ZNF684: variants seen among roughly 807,000 people sequenced by gnomAD.
ZNF684 encodes the protein zinc finger protein 684, also known as hypothetical protein MGC27466.
In ZNF684, 13 loss-of-function variants were observed where a neutral mutation model predicts 12.8. The observed-to-expected ratio is 1.02, with a 90% CI of 0.66 to 1.62. The LOEUF (loss-of-function observed/expected upper bound fraction) is 1.62. Among genes scored for constraint, ZNF684 ranks in the 40% most tolerant of loss-of-function variants. The pLI, the probability that ZNF684 is intolerant of heterozygous loss-of-function variation, is 0.00. For missense variants in ZNF684, 384 were observed against 446.9 expected, an observed-to-expected ratio of 0.86 and a Z score of 1.27; for synonymous variants, 118 against 151.8, an observed-to-expected ratio of 0.78 and a Z score of 1.64.
intron 2 of ZNF684, among the ~76,000 whole-genome samples, chr1:40,537,960 A>G (rs1248596040): frequency 6.6e-6 from 1 of 152,182 alleles, no homozygotes; most frequent in Non-Finnish European, 1.5e-5. Flanking sequence ...ATACAAATGG[A>G]ACCATGAAAT....
Position 40,547,286 on chromosome 1 carries a change from T to A in ZNF684, c.963T>A (p.His321Gln). 6.2e-7 allele frequency: 1 copy of A among 1,614,184 alleles called. No homozygotes were observed. The highest frequency in any genetic ancestry group is 1.3e-5 in the African/African-American group (1 of 75,062). ...TSVLVTHQRI[H>Q]TGEKPYSCIE... ...TGCTTGTTACACACCAAAGAATTCA[T>A]ACAGGAGAGAAACCTTACAGTTGTA... The change falls in exon 5 of 5, where the codon CAT becomes CAA. Residue 321 changes from histidine to glutamine, a missense_variant. Transcript: ENST00000372699.
At chr1:40,535,712 A>G (rs1207393922) in intron 2 of ZNF684, among the ~76,000 whole-genome samples, 1 of 152,182 alleles carries the variant, frequency 6.6e-6, no homozygotes, top group Non-Finnish European at 1.5e-5. Context: ...AATATAATAT[A>G]TCTTGCCACC....
At chr1:40,536,644 C>A (rs1645987047) in intron 2 of ZNF684, among the ~76,000 whole-genome samples, 2 of 141,246 alleles carry the variant, frequency 1.4e-5, no homozygotes, top group Admixed American at 7.0e-5. Flanking sequence ...GGTATATCTC[C>A]CAATGCTATC....
At chr1:40,534,378 T>A (rs1441490013) in intron 2 of ZNF684, among the ~76,000 whole-genome samples, 10 of 150,762 alleles carry the variant, frequency 6.6e-5, no homozygotes, top group African/African-American at 2.2e-4. Flanking sequence ...GTAGGTGGGA[T>A]TACAGGTGCC....
At chr1:40,533,892 C>T (rs1645970777) in intron 2 of ZNF684, among the ~76,000 whole-genome samples, 1 of 143,974 alleles carries the variant, frequency 6.9e-6, no homozygotes, top group Admixed American at 7.3e-5. Flanking sequence ...GGCGTGATCT[C>T]AGCTCACTGC....
chr1:40,534,341 A>G (rs541813921), intron 2 of ZNF684, among the ~76,000 whole-genome samples: 65 of 148,714 alleles, frequency 4.4e-4, no homozygotes, highest in African/African-American at 1.5e-3. Flanking sequence ...CCTGAGTTCA[A>G]GTGATTCTCC....
At chr1:40,535,034 G>A (rs1056591657) in intron 2 of ZNF684, among the ~76,000 whole-genome samples, 4 of 152,172 alleles carry the variant, frequency 2.6e-5, no homozygotes, top group Admixed American at 1.3e-4. Context: ...TCCAGCCAAT[G>A]TACAGAACTC....
In ZNF684 at chr1:40,547,383, C is replaced by T. The variant is rs527472866; in HGVS notation, c.1060C>T (p.Pro354Ser). 6.2e-7 allele frequency: 1 copy of T among 1,614,096 alleles called. No homozygotes were observed. Among genetic ancestry groups the T allele is most frequent in the African/African-American group, 1.3e-5 (1 of 75,036 alleles). The stretch of plus-strand genomic sequence containing the variant: ...TCAGATAACTCATACAGGAGAGAAG[C>T]CCTATGAATGTAACAGATGTGGGAA... ...RHQITHTGEK[P>S]YECNRCGKAF... The change falls in exon 5 of 5, where the codon CCC (proline) becomes TCC (serine). Residue 354 changes from proline (P) to serine (S), a missense_variant. Transcript: ENST00000372699.
In ZNF684 at chr1:40,541,707, C is replaced by G; in HGVS notation, c.235C>G (p.Pro79Ala). ...GGGAGCGAATCCACACGAGAGCTCT[C>G]CAGGTGAGTGAGAGAAATTCAGATG... The part of the protein sequence containing the change: ...VEGANPHESS[P>A]ESDYPLVDEP... The change falls in exon 4 of 5, where the codon CCA (proline) becomes GCA (alanine). Residue 79 changes from proline to alanine, a missense_variant. Pro to Ala is a conservative substitution (Grantham distance 27, BLOSUM62 -1). Coordinates refer to ENST00000372699, the MANE Select transcript of ZNF684 (RefSeq NM_152373.4). 6.2e-7 allele frequency: 1 copy of G among 1,612,080 alleles called. No homozygotes were observed. Among genetic ancestry groups the G allele is most frequent in the Non-Finnish European group, 8.5e-7 (1 of 1,178,786 alleles).
chr1:40,547,524 G>T lies in ZNF684; in HGVS notation c.*64G>T. 3 of 1,379,080 alleles carry T rather than the reference G, an allele frequency of 2.2e-6. No individual in the cohort carries two copies. The highest frequency in any genetic ancestry group is 2.9e-6 in the Non-Finnish European group (3 of 1,037,206). The allele number at this position is 1,379,080 out of a possible 1,614,324, so 85.4% of individuals were successfully genotyped here. On this transcript the variant is annotated 3_prime_UTR_variant, in exon 5 of 5. Coordinates refer to ENST00000372699, the MANE Select transcript of ZNF684 (RefSeq NM_152373.4). The stretch of plus-strand genomic sequence containing the variant: ...TTGCTAAATCTTATTAAATACTAAA[G>T]AATTCATGGTGAGAAGTCTACAATT...
At position 40,547,332 on chromosome 1, in the gene ZNF684, A is replaced by C; in HGVS notation, c.1009A>C (p.Ile337Leu). Residue 337 changes from isoleucine to leucine, a missense_variant, in exon 5 of 5, where the codon ATC becomes CTC. By Grantham distance (5) the Ile-to-Leu change is conservative (BLOSUM62 2). Transcript: ENST00000372699. ...TTGTATTGAATGTGGCAAAGCCTTC[A>C]TCAAGAAGTCCCATCTCCTCAGACA... ...YSCIECGKAF[I>L]KKSHLLRHQI... 4 of 1,614,078 alleles carry C rather than the reference A, an allele frequency of 2.5e-6. No individual in the cohort carries two copies. Among genetic ancestry groups the C allele is most frequent in the Non-Finnish European group, 3.4e-6 (4 of 1,179,948 alleles).
chr1:40,546,156 C>T (rs1646045895), intron 4 of ZNF684, among the ~76,000 whole-genome samples: 1 of 152,144 alleles, frequency 6.6e-6, no homozygotes, highest in Admixed American at 6.5e-5. Context: ...CTCTTGACCT[C>T]ATGATCTGCC....
At chr1:40,534,353 G>A (rs1440578570) in intron 2 of ZNF684, among the ~76,000 whole-genome samples, 2 of 144,712 alleles carry the variant, frequency 1.4e-5, no homozygotes, top group Admixed American at 1.5e-4. Context: ...TGATTCTCCT[G>A]CCTCAGCTTC....
intron 2 of ZNF684, among the ~76,000 whole-genome samples, chr1:40,536,267 G>A (rs935016147): frequency 2.0e-5 from 3 of 151,732 alleles, no homozygotes; most frequent in African/African-American, 4.8e-5. Flanking sequence ...GGTGGCGGGC[G>A]CCTGTAGTCC....
intron 2 of ZNF684, among the ~76,000 whole-genome samples, chr1:40,538,446 A>G (rs150580220): frequency 1.7e-3 from 254 of 152,302 alleles, no homozygotes; most frequent in Admixed American, 4.0e-3. Context: ...TTTTTTGACT[A>G]TGAATAACTC....
intron 2 of ZNF684, among the ~76,000 whole-genome samples, chr1:40,533,427 A>C (rs1220667454): frequency 6.6e-6 from 1 of 152,266 alleles, no homozygotes; most frequent in East Asian, 1.9e-4. Flanking sequence ...GTTAAAAAGT[A>C]TTGGCATTGC....
At chr1:40,546,115 G>T (rs1646045666) in intron 4 of ZNF684, among the ~76,000 whole-genome samples, 1 of 151,734 alleles carries the variant, frequency 6.6e-6, no homozygotes, top group South Asian at 2.1e-4. Context: ...TAGAGACCAG[G>T]TTTCACCATG....
chr1:40,540,170 T>C (rs1646006709), intron 2 of ZNF684, among the ~76,000 whole-genome samples: 1 of 152,216 alleles, frequency 6.6e-6, no homozygotes, highest in African/African-American at 2.4e-5. Context: ...ATTTCACAAA[T>C]CACTGCCTAA....
chr1:40,539,784 CATCTTTTCATGGGCT>C (rs1300262749), intron 2 of ZNF684, among the ~76,000 whole-genome samples: 1 of 151,396 alleles, frequency 6.6e-6, no homozygotes, highest in Non-Finnish European at 1.5e-5. Context: ...TAATGTTGAG[CATCTTTTCATGGGCT>C]TATTTACTAT....
Sources: gnomAD v4.1 joint callset for allele counts (sites outside exome capture counted in the v4.1 genomes callset) on GRCh38, gnomAD v4.1.1 for gene constraint, MANE v1.5 for transcripts, NCBI Gene and HGNC (gene_info 2026-07-23, HGNC 2026-07-21) for gene names.